Variants in FAT3 observed in about 807,000 individuals in gnomAD.
FAT3 encodes FAT atypical cadherin 3.
Under a neutral mutation model 310.2 loss-of-function variants are expected in FAT3, and 95 were observed. That is an observed-to-expected ratio of 0.31 (90% CI 0.26 to 0.36). The LOEUF is 0.36. Ranked by LOEUF, FAT3 falls within the 10% of genes least tolerant of loss-of-function variation. FAT3 has a pLI of 1.00. For missense variants in FAT3, 5,408 were observed against 5,715.6 expected (o/e 0.95, Z 1.74); for synonymous variants, 2,314 against 2,192.9 (o/e 1.06, Z -1.54).
chr11:92,663,317 G>A (rs1053866814), intron 3 of FAT3, among the ~76,000 whole-genome samples: 3 of 152,164 alleles, frequency 2.0e-5, no homozygotes, highest in African/African-American at 7.2e-5. Context: ...AAGAGATTGA[G>A]ACTAGGTCAC....
chr11:92,422,779 G>T (rs563388453), intron 2 of FAT3, among the ~76,000 whole-genome samples: 4 of 152,160 alleles, frequency 2.6e-5, no homozygotes, highest in African/African-American at 9.6e-5. Context: ...TCAGCAAAGA[G>T]CTGCTGGGAC....
At chr11:92,333,680 A>C (rs1162073279) in intron 1 of FAT3, among the ~76,000 whole-genome samples, 1 of 152,288 alleles carries the variant, frequency 6.6e-6, no homozygotes, top group East Asian at 1.9e-4. Context: ...AATTATGTTC[A>C]AATTATCATT....
intron 10 of FAT3, among the ~76,000 whole-genome samples, chr11:92,804,842 G>C (rs1947458374): frequency 6.6e-6 from 1 of 152,234 alleles, no homozygotes; most frequent in South Asian, 2.1e-4. Flanking sequence ...GTCAGCCTGA[G>C]AAGACGATTG....
intron 9 of FAT3, among the ~76,000 whole-genome samples, 196 bp from the exon 10 acceptor site, chr11:92,797,640 T>G (rs551845112): frequency 6.6e-6 from 1 of 152,198 alleles, no homozygotes; most frequent in Non-Finnish European, 1.5e-5. Flanking sequence ...ACTATAATAC[T>G]GGGAAACTCA....
At chr11:92,484,945 AGT>A (rs1952333360) in intron 2 of FAT3, among the ~76,000 whole-genome samples, 1 of 152,234 alleles carries the variant, frequency 6.6e-6, no homozygotes, top group Non-Finnish European at 1.5e-5. Flanking sequence ...GCATTCTCAG[AGT>A]GTGTGAATGT....
rs1157815333 is a variant in FAT3 at position 92,801,736 on chromosome 11, C to T, written c.8723C>T (p.Ala2908Val). The T allele has an allele frequency of 1.2e-6, 2 of 1,613,950 alleles. No individual in the cohort carries two copies. The highest frequency in any genetic ancestry group is 1.7e-5 in the Admixed American group (1 of 60,024). ...GAGGCATTCTCTCTTTCCTCCACGGCCTTGGTCTCTGTCAGAGTGACAGAT... is the reference window on the plus strand; with the variant it reads ...GAGGCATTCTCTCTTTCCTCCACGGTCTTGGTCTCTGTCAGAGTGACAGAT... ...LGEAFSLSST[A>V]LVSVRVTDIN... Residue 2908 changes from alanine (A) to valine (V), a missense_variant, in exon 10 of 28, where the codon GCC (alanine) becomes GTC (valine). Ala to Val is a moderately conservative substitution (Grantham distance 64, BLOSUM62 0). Around this residue, in one of 5 missense-constraint regions of FAT3, gnomAD observed 4,588 missense variants for 4,809.8 expected, o/e 0.95. Transcript: ENST00000525166.
intron 1 of FAT3, among the ~76,000 whole-genome samples, chr11:92,265,372 A>T (rs975233855): frequency 1.3e-5 from 2 of 151,844 alleles, no homozygotes; most frequent in South Asian, 4.2e-4. Flanking sequence ...CGTTCCAAGC[A>T]TGGTGTTGGG....
chr11:92,474,974 G>A (rs1254164097), intron 2 of FAT3, among the ~76,000 whole-genome samples: 1 of 152,184 alleles, frequency 6.6e-6, no homozygotes, highest in Non-Finnish European at 1.5e-5. Flanking sequence ...ATCTGCACCT[G>A]GCAGGCCTCA....
At chr11:92,738,244 A>G (rs1945407903) in intron 4 of FAT3, among the ~76,000 whole-genome samples, 1 of 152,184 alleles carries the variant, frequency 6.6e-6, no homozygotes, top group African/African-American at 2.4e-5. Context: ...AAGAGAACTC[A>G]ATAATATAGA....
At chr11:92,789,610 A>G (rs138155165) in intron 7 of FAT3, among the ~76,000 whole-genome samples, 5 of 152,332 alleles carry the variant, frequency 3.3e-5, no homozygotes, top group African/African-American at 1.2e-4. Context: ...GATAATGGCA[A>G]CTTAACAAAC....
rs1452177328 is a variant in FAT3 at position 92,882,931 on chromosome 11, G to A, written c.12475G>A (p.Ala4159Thr). ...YVGKEELIGI[A>T]VVLFVIFILV... is the part of the protein sequence containing the mutation. ...GGGGAAGGAGGAGCTCATCGGCATC[G>A]CCGTGGTCCTCTTCGTCATCTTCAT... is the stretch of plus-strand genomic sequence containing the variant. The change falls in exon 24 of 28, where the codon GCC (alanine) becomes ACC (threonine). Residue 4159 changes from alanine to threonine, a missense_variant. This residue lies in a region of FAT3 where 649 missense variants were observed against 666.2 expected (regional missense o/e 0.97). Coordinates refer to ENST00000525166, the MANE Select transcript of FAT3 (RefSeq NM_001367949.2). 6.2e-7 allele frequency: 1 copy of A among 1,613,224 alleles called. No individual in the cohort carries two copies. Among genetic ancestry groups the A allele is most frequent in the South Asian group, 1.1e-5 (1 of 90,858 alleles).
At chr11:92,303,088 T>C (rs924091731) in intron 1 of FAT3, among the ~76,000 whole-genome samples, 1 of 152,170 alleles carries the variant, frequency 6.6e-6, no homozygotes, top group Non-Finnish European at 1.5e-5. Flanking sequence ...TAAATAGTGA[T>C]GTATCCATGG....
intron 3 of FAT3, among the ~76,000 whole-genome samples, chr11:92,615,512 G>A (rs1222488973): frequency 6.6e-6 from 1 of 152,172 alleles, no homozygotes; most frequent in Non-Finnish European, 1.5e-5. Context: ...CTCCCGAAGT[G>A]CTGGGATTAC....
chr11:92,419,490 G>T (rs1333759598), intron 2 of FAT3, among the ~76,000 whole-genome samples: 1 of 152,068 alleles, frequency 6.6e-6, no homozygotes, highest in Non-Finnish European at 1.5e-5. Context: ...AGAGTTAGGG[G>T]CTTGAAAAAA....
rs904462719 is a variant in FAT3, at chr11:92,224,868, C to G, written c.-324C>G. The stretch of plus-strand genomic sequence containing the variant: ...AGCAGACAGGAGAGCCGGCGCTCCT[C>G]CCCGCAGGCTGCGCTGTGAACTGGC... On this transcript the variant is annotated 5_prime_UTR_variant, in exon 1 of 28. Transcript: ENST00000525166. Among the ~76,000 whole-genome samples the G allele has an allele frequency of 1.3e-5, 2 of 151,992 alleles. No homozygotes were observed. Among genetic ancestry groups the G allele is most frequent in the Non-Finnish European group, 2.9e-5 (2 of 67,994 alleles).
rs573957556 is a variant in FAT3 at position 92,464,808 on chromosome 11, A to G, written c.3293-59826A>G. On this transcript the variant is annotated intron_variant, in intron 2 of 27. Transcript: ENST00000525166. ...TGGAATGTTTAAGTATTTCTAGCAC[A>G]TTAAGCTTATCTGGCTTTGCTGTGC... 1.7e-4 allele frequency among the ~76,000 whole-genome samples: 26 copies of G among 152,322 alleles called. No individual in the cohort carries two copies. In the South Asian group the frequency reaches 5.4e-3, roughly 32 times the overall value.
chr11:92,774,134 A>G lies in FAT3; in HGVS notation c.4289A>G (p.Asn1430Ser). 2 of 1,613,638 alleles carry G rather than the reference A, an allele frequency of 1.2e-6. No individual in the cohort carries two copies. Among genetic ancestry groups the G allele is most frequent in the Non-Finnish European group, 1.7e-6 (2 of 1,179,692 alleles). The stretch of plus-strand genomic sequence containing the variant: ...GATGCAGAGCAGAGGTCCATCTATA[A>G]TATGAGTGTGGAAGTCACCGATGGG... ...PLDAEQRSIY[N>S]MSVEVTDGTN... Residue 1430 changes from asparagine (N) to serine (S), a missense_variant, in exon 7 of 28, where the codon AAT (asparagine) becomes AGT (serine). By Grantham distance (46) the Asn-to-Ser change is conservative. This residue lies in a region of FAT3 where 4,588 missense variants were observed against 4,809.8 expected (regional missense o/e 0.95). Transcript: ENST00000525166.
At chr11:92,706,549 A>G (rs1591632189) in intron 4 of FAT3, among the ~76,000 whole-genome samples, 1 of 152,216 alleles carries the variant, frequency 6.6e-6, no homozygotes, top group African/African-American at 2.4e-5. Context: ...AAAAAATCAC[A>G]TTTACATTCC....
At chr11:92,734,708 A>G (rs1326059031) in intron 4 of FAT3, among the ~76,000 whole-genome samples, 2 of 152,176 alleles carry the variant, frequency 1.3e-5, no homozygotes, top group African/African-American at 4.8e-5. Flanking sequence ...GGAACAATGT[A>G]TATATTCCAG....
Sources: allele counts gnomAD v4.1 joint callset (sites outside exome capture counted in the v4.1 genomes callset), GRCh38; gene constraint gnomAD v4.1.1; regional missense constraint gnomAD v4.1.1; transcripts MANE v1.5; gene names NCBI Gene and HGNC (gene_info 2026-07-23, HGNC 2026-07-21).